Variants in DOCK9 observed in about 807,000 individuals in gnomAD.
The protein encoded by DOCK9 is dedicator of cytokinesis 9, also known as dedicator of cytokinesis protein 9.
DOCK9 carries 89 observed loss-of-function variants against 263.3 expected under a neutral mutation model. The ratio of observed to expected loss-of-function variants is 0.34; its 90% CI spans 0.28 to 0.40. The LOEUF (loss-of-function observed/expected upper bound fraction) is 0.40. DOCK9 is among the 10% of genes least tolerant of loss of function. DOCK9 has a pLI of 1.00. For missense variants in DOCK9, 2,140 were observed against 2,603.4 expected, an observed-to-expected ratio of 0.82 and a Z score of 3.87; for synonymous variants, 976 against 973.1, an observed-to-expected ratio of 1.00 and a Z score of -0.06.
chr13:99,019,092 T>C (rs1885765777), intron 1 of DOCK9, among the ~76,000 whole-genome samples: 1 of 152,026 alleles, frequency 6.6e-6, no homozygotes, highest in Non-Finnish European at 1.5e-5. Context: ...ACTACACGAA[T>C]GGCCCGAAAA....
At chr13:98,936,493 G>A (rs1166355581) in intron 2 of DOCK9, among the ~76,000 whole-genome samples, 5 of 151,964 alleles carry the variant, frequency 3.3e-5, no homozygotes, top group Admixed American at 1.3e-4. Flanking sequence ...GGTGTCATGC[G>A]CCTCGAGTCC....
At chr13:98,917,667 G>A (rs1479155722) in intron 7 of DOCK9, among the ~76,000 whole-genome samples, 7 of 150,514 alleles carry the variant, frequency 4.7e-5, no homozygotes, top group Middle Eastern at 3.4e-3. Context: ...TCGGCAGGGC[G>A]GGGGTACTGC....
At chr13:98,818,186 T>C (rs2140468808) in intron 45 of DOCK9, among the ~76,000 whole-genome samples, 1 of 152,336 alleles carries the variant, frequency 6.6e-6, no homozygotes, top group East Asian at 1.9e-4. Flanking sequence ...TAGTAAGCTA[T>C]ATTATTCAAG....
At chr13:99,047,319 G>A (rs2040480811) in intron 1 of DOCK9, among the ~76,000 whole-genome samples, 1 of 152,196 alleles carries the variant, frequency 6.6e-6, no homozygotes, top group South Asian at 2.1e-4. Flanking sequence ...ACAGGCTGAG[G>A]AGTATCAGCT....
At chr13:99,022,853 C>T (rs930065873) in intron 1 of DOCK9, among the ~76,000 whole-genome samples, 8 of 151,968 alleles carry the variant, frequency 5.3e-5, no homozygotes, top group Non-Finnish European at 7.4e-5. Flanking sequence ...GAGGCTGAGG[C>T]GAGAAAAATC....
chr13:98,915,119 C>T (rs563963758), intron 8 of DOCK9, among the ~76,000 whole-genome samples: 1 of 152,238 alleles, frequency 6.6e-6, no homozygotes, highest in African/African-American at 2.4e-5. Flanking sequence ...AGCTTTGGTT[C>T]TTCCCATTAC....
intron 2 of DOCK9, among the ~76,000 whole-genome samples, chr13:98,945,182 T>C (rs1437298551): frequency 6.6e-6 from 1 of 152,262 alleles, no homozygotes; most frequent in Non-Finnish European, 1.5e-5. Context: ...AATAGCCACT[T>C]GAAGAGCTCT....
chr13:99,063,959 A>C (rs1333735624), intron 1 of DOCK9, among the ~76,000 whole-genome samples: 1 of 152,114 alleles, frequency 6.6e-6, no homozygotes, highest in Admixed American at 6.5e-5. Flanking sequence ...GAGGCTCAAC[A>C]CTTTCATAGC....
rs1284635004 is a variant in DOCK9 at position 98,825,725 on chromosome 13, T to C, written c.5023+1105A>G. The C allele has an allele frequency of 6.8e-6, 3 of 439,524 alleles. No homozygotes were observed. The highest frequency in any genetic ancestry group is 1.2e-4 in the South Asian group (2 of 16,560). 27.2% of individuals were successfully genotyped at this position (439,524 alleles called of 1,614,324 possible). ...TGCTTTCCTCTTGTGCCCACAGGAA[T>C]AGACCAGCCAACCAGAGAGCCACAG... On this transcript the variant is annotated intron_variant, in intron 44 of 52. Coordinates refer to ENST00000682017, the MANE Select transcript of DOCK9 (RefSeq NM_001366683.2). This position sits in a 1 kb window ranked among gnomAD's most constrained non-coding sequence, Gnocchi z 4.1.
intron 38 of DOCK9, among the ~76,000 whole-genome samples, chr13:98,839,504 T>C (rs1253234916): frequency 6.6e-6 from 1 of 152,244 alleles, no homozygotes; most frequent in Non-Finnish European, 1.5e-5. Context: ...AAAATGATCA[T>C]ACAGGTCCAA....
chr13:98,899,341 T>C (rs907393584), intron 13 of DOCK9, among the ~76,000 whole-genome samples: 1 of 152,180 alleles, frequency 6.6e-6, no homozygotes, highest in Non-Finnish European at 1.5e-5. Flanking sequence ...GCTGTATGAC[T>C]CTGTAGGCCA....
chr13:99,086,178 G>A, intron 1 of DOCK9: 1 of 1,452,636 alleles, frequency 6.9e-7, no homozygotes, highest in Non-Finnish European at 9.0e-7. Context: ...GCAGCTGCCT[G>A]CGCCCCCGCC....
intron 33 of DOCK9, chr13:98,858,000 C>G (rs1374046902): frequency 1.3e-5 from 2 of 152,164 alleles, no homozygotes; most frequent in African/African-American, 4.8e-5. Flanking sequence ...GAACACAGAA[C>G]TCAAGAGAAA....
intron 33 of DOCK9, chr13:98,858,219 C>A (rs1302484132): frequency 6.6e-6 from 1 of 152,170 alleles, no homozygotes; most frequent in Non-Finnish European, 1.5e-5. Flanking sequence ...TTAAACGACA[C>A]TTGAGTAAAA....
Position 98,824,347 on chromosome 13 carries a change from G to C in DOCK9, c.5130+51C>G, listed in dbSNP as rs369156547. Reference sequence around the variant, plus strand: ...TGATGCACTAGCAATGCAAACAGCAGGCTCCCAGATACCCCAGTACCTGAA... The same window carrying C: ...TGATGCACTAGCAATGCAAACAGCACGCTCCCAGATACCCCAGTACCTGAA... On this transcript the variant is annotated intron_variant, in intron 45 of 52. Transcript: ENST00000682017. The C allele has an allele frequency of 8.3e-5, 129 of 1,546,454 alleles. No homozygotes were observed. In the African/African-American group the frequency reaches 1.5e-3, roughly 17 times the overall value.
chr13:98,977,018 T>TC (rs1874893988), intron 1 of DOCK9, among the ~76,000 whole-genome samples: 3 of 152,172 alleles, frequency 2.0e-5, no homozygotes, highest in Non-Finnish European at 2.9e-5. Context: ...GGCTCAATTG[T>TC]CCCCCCTCTG....
intron 1 of DOCK9, among the ~76,000 whole-genome samples, chr13:99,048,349 C>T (rs930703985): frequency 1.3e-5 from 2 of 152,230 alleles, no homozygotes; most frequent in African/African-American, 4.8e-5. Flanking sequence ...CCATTCCCCT[C>T]TGCTACTGCT....
intron 47 of DOCK9, chr13:98,808,753 T>A: frequency 2.2e-6 from 2 of 903,436 alleles, no homozygotes; most frequent in East Asian, 5.3e-5. Flanking sequence ...GCCCTAAATA[T>A]ATGTATTATA....
chr13:99,008,185 C>CCCCT (rs1883690531), intron 1 of DOCK9, among the ~76,000 whole-genome samples: 1 of 100,984 alleles, frequency 9.9e-6, no homozygotes, highest in Non-Finnish European at 1.9e-5. Context: ...TATTGTGCAG[C>CCCCT]CTCTCTCTCT....
Sources: allele counts gnomAD v4.1 joint callset (sites outside exome capture counted in the v4.1 genomes callset), GRCh38; gene constraint gnomAD v4.1.1; non-coding constraint Gnocchi (gnomAD v3.1); transcripts MANE v1.5; gene names NCBI Gene and HGNC (gene_info 2026-07-23, HGNC 2026-07-21).